The following ARHGAP24 variants were observed in gnomAD, a reference collection of about 807,000 sequenced individuals.
ARHGAP24 encodes rho GTPase-activating protein 24.
In ARHGAP24, 50 loss-of-function variants were observed where a neutral mutation model predicts 76.4. The ratio of observed to expected loss-of-function variants is 0.65; its 90% confidence interval spans 0.52 to 0.83. The LOEUF (loss-of-function observed/expected upper bound fraction) is 0.83. Ranked by LOEUF, ARHGAP24 falls within the 40% of genes least tolerant of loss-of-function variation. The pLI is 0.00. For missense variants in ARHGAP24, 930 were observed against 914.2 expected, an observed-to-expected ratio of 1.02 and a Z score of -0.22; for synonymous variants, 345 against 323.3, an observed-to-expected ratio of 1.07 and a Z score of -0.72.
chr4:85,976,091 A>G (rs1368351445), intron 7 of ARHGAP24, among the ~76,000 whole-genome samples: 1 of 152,176 alleles, frequency 6.6e-6, no homozygotes, highest in Non-Finnish European at 1.5e-5. Context: ...CATTCTCCTT[A>G]AGTAAAAGGG....
intron 1 of ARHGAP24, among the ~76,000 whole-genome samples, chr4:85,505,256 G>T (rs903181816): frequency 1.3e-5 from 2 of 152,210 alleles, no homozygotes; most frequent in South Asian, 4.1e-4. Context: ...TCCTGAATTT[G>T]AATGTTGGCC....
At chr4:85,869,990 G>A (rs1732432671) in intron 3 of ARHGAP24, among the ~76,000 whole-genome samples, 1 of 152,104 alleles carries the variant, frequency 6.6e-6, no homozygotes, top group African/African-American at 2.4e-5. Context: ...CAACATTTCT[G>A]TACCTTAATT....
chr4:85,629,028 T>G (rs1374788455), intron 2 of ARHGAP24, among the ~76,000 whole-genome samples: 1 of 152,196 alleles, frequency 6.6e-6, no homozygotes, highest in Non-Finnish European at 1.5e-5. Context: ...CTTTATAACT[T>G]CTTTGTTCTT....
intron 2 of ARHGAP24, among the ~76,000 whole-genome samples, chr4:85,685,653 G>T (rs954570818): frequency 1.3e-5 from 2 of 149,222 alleles, no homozygotes; most frequent in East Asian, 4.0e-4. Context: ...AAAAAGAAAA[G>T]AAAAAGAAGT....
intron 3 of ARHGAP24, among the ~76,000 whole-genome samples, chr4:85,774,001 G>C (rs1050067395): frequency 6.6e-6 from 1 of 152,204 alleles, no homozygotes; most frequent in African/African-American, 2.4e-5. Context: ...ATTTGCCTCT[G>C]AGTGACACCA....
chr4:85,946,392 T>C (rs1737268833), intron 5 of ARHGAP24, among the ~76,000 whole-genome samples: 1 of 152,246 alleles, frequency 6.6e-6, no homozygotes, highest in Admixed American at 6.5e-5. Flanking sequence ...TACTGTATGA[T>C]GCTGAGGTTT....
At chr4:85,507,388 T>G (rs2110103292) in intron 1 of ARHGAP24, among the ~76,000 whole-genome samples, 1 of 152,318 alleles carries the variant, frequency 6.6e-6, no homozygotes, top group African/African-American at 2.4e-5. Flanking sequence ...TTTACCTTTT[T>G]ATTCACTGGT....
intron 3 of ARHGAP24, among the ~76,000 whole-genome samples, chr4:85,881,423 A>G (rs1412140293): frequency 6.6e-6 from 1 of 151,744 alleles, no homozygotes; most frequent in African/African-American, 2.4e-5. Context: ...TTTTAAAAAG[A>G]TACGGTTGAG....
intron 2 of ARHGAP24, among the ~76,000 whole-genome samples, chr4:85,625,327 G>A (rs140582027): frequency 0.024 from 3,624 of 152,116 alleles, 136 homozygotes; most frequent in African/African-American, 0.081. Flanking sequence ...ATTTCATTAC[G>A]TACCTAGTAG....
intron 3 of ARHGAP24, among the ~76,000 whole-genome samples, chr4:85,839,787 C>T (rs1370656464): frequency 6.6e-6 from 1 of 150,378 alleles, no homozygotes; most frequent in East Asian, 2.0e-4. Flanking sequence ...AAATGAAACA[C>T]AAATGCTTTT....
chr4:85,481,929 T>G (rs1722830273), intron 1 of ARHGAP24, among the ~76,000 whole-genome samples: 1 of 152,212 alleles, frequency 6.6e-6, no homozygotes, highest in Non-Finnish European at 1.5e-5. Flanking sequence ...AAGCCAGTCT[T>G]TCTCAGAGAA....
intron 2 of ARHGAP24, among the ~76,000 whole-genome samples, chr4:85,590,404 G>C (rs1380309040): frequency 6.6e-6 from 1 of 151,438 alleles, no homozygotes; most frequent in East Asian, 1.9e-4. Flanking sequence ...CTGTCGCCCA[G>C]GCTGGAGTGC....
intron 2 of ARHGAP24, among the ~76,000 whole-genome samples, chr4:85,579,993 A>G (rs868247268): frequency 2.0e-5 from 3 of 152,166 alleles, no homozygotes; most frequent in South Asian, 2.1e-4. Flanking sequence ...ACTGTGTCAT[A>G]TGGTAACTGT....
chr4:85,561,070 A>G (rs1548105), intron 1 of ARHGAP24, among the ~76,000 whole-genome samples: 129,071 of 152,200 alleles, frequency 0.85, 56,258 homozygotes, highest in East Asian at 0.98. Flanking sequence ...AGTTCATCTG[A>G]TGGGTTCCAG....
At chr4:85,655,856 G>A (rs1202421997) in intron 2 of ARHGAP24, among the ~76,000 whole-genome samples, 1 of 142,272 alleles carries the variant, frequency 7.0e-6, no homozygotes, top group South Asian at 2.3e-4. Flanking sequence ...CAGAGAGGAA[G>A]TTTGGTTAGA....
rs1719870647 is a variant in ARHGAP24, at chr4:85,597,198, A to T, written c.180+26477A>T. On this transcript the variant is annotated intron_variant, in intron 2 of 9. Transcript: ENST00000395184. The stretch of plus-strand genomic sequence containing the variant: ...AAAGTATTCTTTAACCAATCTTAAG[A>T]TGTAAGGTTTGGTTTTATTGATATG... Among the ~76,000 whole-genome samples, 4 of 152,240 alleles carry T rather than the reference A, an allele frequency of 2.6e-5. No individual in the cohort carries two copies. In the South Asian group the frequency reaches 8.3e-4, roughly 32 times the overall value.
Position 85,695,139 on chromosome 4 carries a change from G to A in ARHGAP24, c.181-26746G>A, listed in dbSNP as rs560658578. On this transcript the variant is annotated intron_variant, in intron 2 of 9. Coordinates refer to ENST00000395184, the MANE Select transcript of ARHGAP24 (RefSeq NM_001025616.3). ...ACTGGAAGATCTTAATGTTGTATAT[G>A]CGTATTTTAGCTTATCTATTCTGAA... 7.4e-4 allele frequency among the ~76,000 whole-genome samples: 112 copies of A among 152,202 alleles called. 3 individuals carry two copies. Among genetic ancestry groups the A allele is most frequent in the Admixed American group, 3.3e-4 (5 of 15,280 alleles).
intron 3 of ARHGAP24, among the ~76,000 whole-genome samples, chr4:85,919,821 C>T (rs1442829986): frequency 6.6e-6 from 1 of 152,134 alleles, no homozygotes; most frequent in African/African-American, 2.4e-5. Context: ...CAGGCAAAGA[C>T]AATAATTACA....
chr4:85,676,275 T>G (rs1266666246), intron 2 of ARHGAP24, among the ~76,000 whole-genome samples: 1 of 152,210 alleles, frequency 6.6e-6, no homozygotes, highest in African/African-American at 2.4e-5. Context: ...AAGCTTTTAA[T>G]GAGCAGTCCT....
Sources: gnomAD v4.1 joint callset for allele counts (sites outside exome capture counted in the v4.1 genomes callset) on GRCh38, gnomAD v4.1.1 for gene constraint, MANE v1.5 for transcripts, NCBI Gene and HGNC (gene_info 2026-07-23, HGNC 2026-07-21) for gene names.